KCNMA1: variants seen among roughly 807,000 people sequenced by gnomAD.
KCNMA1 encodes potassium calcium-activated channel subfamily M alpha 1.
In KCNMA1, 29 loss-of-function variants were observed where a neutral mutation model predicts 140.0. The ratio of observed to expected loss-of-function variants is 0.21; its 90% CI spans 0.15 to 0.28. The LOEUF (loss-of-function observed/expected upper bound fraction) is 0.28, where lower values mean the gene tolerates loss of function less well. KCNMA1 is among the 10% of genes least tolerant of loss of function. The pLI is 1.00. For synonymous variants in KCNMA1, 612 were observed against 611.9 expected (o/e 1.00, Z 0.00); for missense variants, 880 against 1,602.2 (o/e 0.55, Z 7.70).
At chr10:77,099,634 A>T (rs984553067) in intron 9 of KCNMA1, among the ~76,000 whole-genome samples, 2 of 151,808 alleles carry the variant, frequency 1.3e-5, no homozygotes, top group Non-Finnish European at 2.9e-5. Flanking sequence ...GAATTGCTTG[A>T]ATCTGGGAGG....
At chr10:76,880,636 T>C (rs1459283184), downstream of KCNMA1, among the ~76,000 whole-genome samples, 2 of 152,202 alleles carry the variant, frequency 1.3e-5, no homozygotes, top group Non-Finnish European at 2.9e-5. Flanking sequence ...TCAGCATCCA[T>C]GGAGAGTGCT....
At chr10:76,996,013 C>T (rs577113131) in intron 19 of KCNMA1, among the ~76,000 whole-genome samples, 8 of 152,324 alleles carry the variant, frequency 5.3e-5, no homozygotes, top group Non-Finnish European at 1.0e-4. Context: ...ACCTGCAGTA[C>T]ATCTTCATAG....
At chr10:77,452,035 G>T (rs963831243) in intron 1 of KCNMA1, among the ~76,000 whole-genome samples, 5 of 152,156 alleles carry the variant, frequency 3.3e-5, no homozygotes, top group Non-Finnish European at 7.3e-5. Flanking sequence ...TTTACTTAAT[G>T]ATCTTGGCTG....
intron 17 of KCNMA1, among the ~76,000 whole-genome samples, chr10:77,013,635 T>C (rs1321556075): frequency 6.6e-6 from 1 of 152,170 alleles, no homozygotes; most frequent in African/African-American, 2.4e-5. Context: ...ACGGTAACAA[T>C]CATATAGCTA....
At chr10:77,405,242 AT>A (rs1221299110) in intron 1 of KCNMA1, among the ~76,000 whole-genome samples, 1 of 152,148 alleles carries the variant, frequency 6.6e-6, no homozygotes, top group Non-Finnish European at 1.5e-5. Flanking sequence ...ACCTGTTTAA[AT>A]TTGCAACACT....
chr10:77,217,630 G>A, intron 3 of KCNMA1: 12 of 422,990 alleles, frequency 2.8e-5, no homozygotes, highest in Admixed American at 1.0e-4. Flanking sequence ...GAAACAAAAG[G>A]AGAAAAAAAG....
intron 14 of KCNMA1, chr10:77,063,604 A>G (rs906814279): frequency 4.4e-6 from 2 of 459,116 alleles, no homozygotes; most frequent in Non-Finnish European, 5.7e-6. Context: ...CAAAGTTCCA[A>G]ATTCCTCATC....
chr10:77,262,332 T>A (rs1310807909), intron 2 of KCNMA1, among the ~76,000 whole-genome samples: 1 of 152,174 alleles, frequency 6.6e-6, no homozygotes, highest in African/African-American at 2.4e-5. Flanking sequence ...ATTGTGTGAA[T>A]CTACCTAAAG....
intron 3 of KCNMA1, among the ~76,000 whole-genome samples, chr10:77,216,378 G>A (rs962752729): frequency 9.2e-5 from 14 of 152,098 alleles, no homozygotes; most frequent in Non-Finnish European, 1.8e-4. Flanking sequence ...GGGGGAAGAG[G>A]AGAAGTGGGA....
At chr10:77,033,354 C>T (rs2094084069) in intron 15 of KCNMA1, among the ~76,000 whole-genome samples, 1 of 152,086 alleles carries the variant, frequency 6.6e-6, no homozygotes, top group Non-Finnish European at 1.5e-5. Context: ...CTCTTTTTCT[C>T]TATGAAGCTT....
chr10:77,077,083 T>C (rs2096421475), intron 13 of KCNMA1, among the ~76,000 whole-genome samples: 1 of 152,122 alleles, frequency 6.6e-6, no homozygotes, highest in African/African-American at 2.4e-5. Flanking sequence ...GAAAATGTAT[T>C]GAAAGAGTAG....
chr10:77,599,785 G>C (rs11595722), intron 1 of KCNMA1, among the ~76,000 whole-genome samples: 35,029 of 151,926 alleles, frequency 0.23, 4,151 homozygotes, highest in Middle Eastern at 0.3. Context: ...TGCCTTTCAG[G>C]GTCAGGAGGA....
intron 1 of KCNMA1, among the ~76,000 whole-genome samples, chr10:77,570,806 C>T (rs1387475069): frequency 6.6e-6 from 1 of 151,778 alleles, no homozygotes; most frequent in African/African-American, 2.4e-5. Context: ...TGGCACATGC[C>T]TATGGTACCA....
chr10:77,252,273 AG>A (rs1481576183), intron 2 of KCNMA1, among the ~76,000 whole-genome samples: 2 of 152,238 alleles, frequency 1.3e-5, no homozygotes, highest in Non-Finnish European at 1.5e-5. Context: ...ATGCAAATAA[AG>A]GATAGTCAGA....
chr10:77,418,352 G>A (rs561219927), intron 1 of KCNMA1, among the ~76,000 whole-genome samples: 14 of 152,216 alleles, frequency 9.2e-5, no homozygotes, highest in African/African-American at 2.9e-4. Context: ...AGAGAGACTC[G>A]GCAGCTGTGA....
At position 77,458,763 on chromosome 10, in the gene KCNMA1, G is replaced by A. The variant is rs931157103; in HGVS notation, c.379-54740C>T. On this transcript the variant is annotated intron_variant, in intron 1 of 27. Coordinates refer to ENST00000286628, the MANE Select transcript of KCNMA1 (RefSeq NM_001161352.2). Reference sequence around the variant, plus strand: ...GCTCAATGCCACTGGAGACCTCTGGGAGATGGGGCAGAACCACCCTGTCCA... The same window carrying A: ...GCTCAATGCCACTGGAGACCTCTGGAAGATGGGGCAGAACCACCCTGTCCA... Among the ~76,000 whole-genome samples the A allele has an allele frequency of 1.8e-4, 28 of 152,276 alleles. No individual in the cohort carries two copies. The East Asian group carries it at 5.4e-3, about 29-fold the overall frequency.
chr10:77,081,632 AG>A (rs1370687297), intron 12 of KCNMA1, among the ~76,000 whole-genome samples: 3 of 152,168 alleles, frequency 2.0e-5, no homozygotes, highest in Non-Finnish European at 4.4e-5. Context: ...ATCACGCTAA[AG>A]CCTCTCCCAG....
chr10:76,947,763 G>A (rs1450253181), intron 22 of KCNMA1, among the ~76,000 whole-genome samples: 1 of 152,150 alleles, frequency 6.6e-6, no homozygotes, highest in Non-Finnish European at 1.5e-5. Flanking sequence ...AATATTTATT[G>A]AGTCCCTATT....
intron 1 of KCNMA1, among the ~76,000 whole-genome samples, chr10:77,417,880 A>G (rs1277431960): frequency 1.3e-5 from 2 of 152,188 alleles, no homozygotes. Context: ...GGGAGGCAGA[A>G]AGATGGCCAG....
Sources: allele counts gnomAD v4.1 joint callset (sites outside exome capture counted in the v4.1 genomes callset), GRCh38; gene constraint gnomAD v4.1.1; transcripts MANE v1.5; gene names NCBI Gene and HGNC (gene_info 2026-07-23, HGNC 2026-07-21).